VRK2: variants seen among roughly 807,000 people sequenced by gnomAD.
The protein encoded by VRK2 is serine/threonine-protein kinase VRK2.
Under a neutral mutation model 57.6 loss-of-function variants are expected in VRK2, and 60 were observed. That is an observed-to-expected ratio of 1.04 (90% confidence interval 0.85 to 1.29). VRK2 has a LOEUF of 1.29. VRK2 is among the 50% of genes most tolerant of loss of function. The pLI, the probability that VRK2 is intolerant of heterozygous loss-of-function variation, is 0.00. For missense variants in VRK2, 705 were observed against 588.1 expected (o/e 1.20, Z -2.06); for synonymous variants, 231 against 199.2 (o/e 1.16, Z -1.35).
chr2:57,968,226 ATAAAG>A (rs1558517679), intron 1 of VRK2, among the ~76,000 whole-genome samples: 1 of 152,184 alleles, frequency 6.6e-6, no homozygotes, highest in African/African-American at 2.4e-5. Flanking sequence ...GAAGAAAAAG[ATAAAG>A]TAATGTAAAT....
chr2:57,935,069 A>G (rs1670861547), intron 1 of VRK2, among the ~76,000 whole-genome samples: 1 of 152,110 alleles, frequency 6.6e-6, no homozygotes. Flanking sequence ...AAATTGGTAG[A>G]TCTCCATTTC....
At chr2:58,155,032 T>G (rs1683586739) in intron 12 of VRK2, among the ~76,000 whole-genome samples, 1 of 152,224 alleles carries the variant, frequency 6.6e-6, no homozygotes, top group African/African-American at 2.4e-5. Context: ...GGGTTTGTTT[T>G]ATGGATAGGA....
chr2:57,954,649 C>T (rs1022543290), intron 1 of VRK2, among the ~76,000 whole-genome samples: 6 of 151,834 alleles, frequency 4.0e-5, no homozygotes, highest in Admixed American at 6.6e-5. Flanking sequence ...CAGAGTGTTG[C>T]TATATGATGA....
chr2:58,110,315 AT>A (rs1365307668), intron 7 of VRK2, among the ~76,000 whole-genome samples: 1 of 152,218 alleles, frequency 6.6e-6, no homozygotes, highest in Non-Finnish European at 1.5e-5. Context: ...GCAATCATTT[AT>A]TTTAATAGGG....
intron 7 of VRK2, among the ~76,000 whole-genome samples, chr2:58,113,607 G>T (rs886473015): frequency 6.6e-6 from 1 of 152,130 alleles, no homozygotes; most frequent in Non-Finnish European, 1.5e-5. Flanking sequence ...GTCAAAGGGG[G>T]TTGTTCTCTG....
chr2:58,011,602 T>C (rs1378299958), intron 1 of VRK2, among the ~76,000 whole-genome samples: 3 of 152,218 alleles, frequency 2.0e-5, no homozygotes, highest in Non-Finnish European at 4.4e-5. Context: ...CTAATAATAG[T>C]GCTTAAAATT....
chr2:57,959,065 G>A (rs547684395), intron 1 of VRK2, among the ~76,000 whole-genome samples: 5 of 152,262 alleles, frequency 3.3e-5, no homozygotes, highest in South Asian at 2.1e-4. Flanking sequence ...GGCAGGGGTC[G>A]TTGCCATTCA....
intron 1 of VRK2, among the ~76,000 whole-genome samples, chr2:58,013,198 A>G (rs2103652374): frequency 6.6e-6 from 1 of 152,346 alleles, no homozygotes; most frequent in South Asian, 2.1e-4. Flanking sequence ...GAAAATAGGT[A>G]TAGCGTAAAA....
At chr2:58,092,183 TC>T (rs1363216490) in intron 7 of VRK2, among the ~76,000 whole-genome samples, 1 of 152,130 alleles carries the variant, frequency 6.6e-6, no homozygotes, top group African/African-American at 2.4e-5. Context: ...TTAGAGTCAG[TC>T]CCCTTCTCCT....
At chr2:58,045,792 T>C (rs1190015421), upstream of VRK2, among the ~76,000 whole-genome samples, 1 of 152,204 alleles carries the variant, frequency 6.6e-6, no homozygotes, top group Non-Finnish European at 1.5e-5. Context: ...ATTAATAATC[T>C]TTGTCTAAGC....
intron 7 of VRK2, among the ~76,000 whole-genome samples, chr2:58,091,315 A>G (rs1672344697): frequency 6.6e-6 from 1 of 152,136 alleles, no homozygotes; most frequent in South Asian, 2.1e-4. Flanking sequence ...CTTGAGGTAT[A>G]TGGGAACTCA....
At chr2:58,132,049 T>C (rs2104542817) in intron 9 of VRK2, 121 bp downstream of exon 9, 2 of 1,268,342 alleles carry the variant, frequency 1.6e-6, no homozygotes, top group South Asian at 1.7e-5. Context: ...CAAATTTCTT[T>C]AGTTTGAAAA....
chr2:58,158,847 G>C (rs958486695), intron 12 of VRK2, among the ~76,000 whole-genome samples: 4 of 152,086 alleles, frequency 2.6e-5, no homozygotes, highest in Non-Finnish European at 1.5e-5. Context: ...CTTTCCAAGA[G>C]ACATAACACT....
chr2:57,991,827 G>A (rs1672777581), intron 1 of VRK2, among the ~76,000 whole-genome samples: 4 of 151,250 alleles, frequency 2.6e-5, no homozygotes, highest in Admixed American at 6.6e-5. Context: ...GCGTGGTGGC[G>A]CACTCCTGTA....
intron 4 of VRK2, among the ~76,000 whole-genome samples, chr2:58,085,570 TAG>T (rs1671498493): frequency 6.6e-6 from 1 of 151,974 alleles, no homozygotes; most frequent in South Asian, 2.1e-4. Flanking sequence ...ATTAAAGAAG[TAG>T]ACAGGAGTAA....
At chr2:58,018,002 A>G (rs1673637660) in intron 1 of VRK2, 1 of 152,052 alleles carries the variant, frequency 6.6e-6, no homozygotes, top group African/African-American at 2.4e-5. Flanking sequence ...TTCTTTCTTT[A>G]TTTTTTGATA....
chr2:58,088,299 A>G, intron 5 of VRK2, 42 bp from the exon 6 acceptor site: 2 of 1,383,292 alleles, frequency 1.4e-6, no homozygotes, highest in Non-Finnish European at 2.0e-6. Flanking sequence ...TTCAAGCATT[A>G]CTTTCTCAGG....
At chr2:58,074,213 T>C (rs942649411) in intron 2 of VRK2, among the ~76,000 whole-genome samples, 1 of 152,178 alleles carries the variant, frequency 6.6e-6, no homozygotes, top group African/African-American at 2.4e-5. Flanking sequence ...AGACATCATA[T>C]AGTTGTCTTA....
chr2:57,948,415 T>TA (rs967450823), intron 1 of VRK2, among the ~76,000 whole-genome samples: 6 of 152,308 alleles, frequency 3.9e-5, no homozygotes, highest in Middle Eastern at 3.4e-3. Context: ...CATTTCTGTT[T>TA]ATCTTTAAAG....
Sources: allele counts gnomAD v4.1 joint callset (sites outside exome capture counted in the v4.1 genomes callset), GRCh38; gene constraint gnomAD v4.1.1; transcripts MANE v1.5; gene names NCBI Gene and HGNC (gene_info 2026-07-23, HGNC 2026-07-21).